Variants in TBL1XR1 observed in about 807,000 individuals in gnomAD.
TBL1XR1 encodes the protein TBL1X/Y related 1.
TBL1XR1 carries 5 observed loss-of-function variants against 66.9 expected under a neutral mutation model. The ratio of observed to expected loss-of-function variants is 0.07; its 90% CI spans 0.04 to 0.16. The LOEUF is 0.16. Among genes scored for constraint, TBL1XR1 ranks in the 10% least tolerant of loss-of-function variants. TBL1XR1 has a pLI of 1.00. For missense variants in TBL1XR1, 238 were observed against 623.2 expected (o/e 0.38, Z 6.58); for synonymous variants, 210 against 206.0 (o/e 1.02, Z -0.17).
intron 10 of TBL1XR1, among the ~76,000 whole-genome samples, chr3:177,039,405 T>C (rs1162952755): frequency 1.3e-5 from 2 of 152,264 alleles, no homozygotes; most frequent in Admixed American, 1.3e-4. Flanking sequence ...TCTACTCAAC[T>C]AACAAATGGA....
chr3:177,180,292 C>G (rs1361518550), intron 1 of TBL1XR1, among the ~76,000 whole-genome samples: 3 of 136,784 alleles, frequency 2.2e-5, no homozygotes, highest in African/African-American at 8.2e-5. Context: ...CCCAGAGATA[C>G]AAAAGATTAA....
intron 3 of TBL1XR1, among the ~76,000 whole-genome samples, chr3:177,058,830 T>C (rs1451541309): frequency 1.3e-5 from 2 of 152,226 alleles, no homozygotes; most frequent in African/African-American, 4.8e-5. Flanking sequence ...ATTGTCCCTT[T>C]GATAAGTGTG....
intron 1 of TBL1XR1, among the ~76,000 whole-genome samples, chr3:177,141,816 C>T (rs1729662973): frequency 6.6e-6 from 1 of 152,160 alleles, no homozygotes; most frequent in Admixed American, 6.5e-5. Context: ...CCAAAGTGTC[C>T]ATCAACAGAT....
chr3:177,166,414 T>C (rs920711688), intron 1 of TBL1XR1, among the ~76,000 whole-genome samples: 3 of 152,312 alleles, frequency 2.0e-5, no homozygotes, highest in Non-Finnish European at 4.4e-5. Context: ...CATCATATAC[T>C]GATATGGTTT....
intron 1 of TBL1XR1, among the ~76,000 whole-genome samples, chr3:177,186,432 A>G (rs1268612049): frequency 3.9e-5 from 6 of 152,220 alleles, no homozygotes. Context: ...TTCATTATCT[A>G]TTCTCATTAC....
chr3:177,177,919 T>C (rs551355166), intron 1 of TBL1XR1, among the ~76,000 whole-genome samples: 10 of 151,962 alleles, frequency 6.6e-5, no homozygotes, highest in East Asian at 1.9e-4. Context: ...GAGACAAAAC[T>C]GCAACGTGGA....
At chr3:177,200,484 G>T (rs188171566), upstream of TBL1XR1, among the ~76,000 whole-genome samples, 104 of 152,068 alleles carry the variant, frequency 6.8e-4, no homozygotes, top group African/African-American at 2.4e-3. Flanking sequence ...TTGTCGCCTC[G>T]CCCTCTAGCT....
rs184557249 is a variant in TBL1XR1 at position 177,111,480 on chromosome 3, G to A, written c.-121-12939C>T. ...TAGAGACAAAATAGCTGGGAGGATC[G>A]GTTGAGCCTGGGTTTCACCATGCTG... On this transcript the variant is annotated intron_variant, in intron 1 of 15. Transcript: ENST00000457928. 1.2e-4 allele frequency among the ~76,000 whole-genome samples: 18 copies of A among 152,028 alleles called. No homozygotes were observed. In the East Asian group the frequency reaches 2.5e-3, roughly 21 times the overall value.
chr3:177,165,381 G>A (rs988995288), intron 1 of TBL1XR1, among the ~76,000 whole-genome samples: 5 of 152,102 alleles, frequency 3.3e-5, no homozygotes, highest in African/African-American at 1.2e-4. Context: ...CATTTCCTTG[G>A]ATAGAAGACT....
chr3:177,028,645 G>A (rs535985772), intron 14 of TBL1XR1, among the ~76,000 whole-genome samples: 41 of 152,264 alleles, frequency 2.7e-4, no homozygotes, highest in Middle Eastern at 3.4e-3. Flanking sequence ...ACGTATTTAT[G>A]GGTGATAAAA....
chr3:177,052,111 A>T (rs1005534438), intron 4 of TBL1XR1, among the ~76,000 whole-genome samples: 2 of 152,272 alleles, frequency 1.3e-5, no homozygotes, highest in Non-Finnish European at 2.9e-5. Flanking sequence ...GTGCCCCATT[A>T]TAGTAAATAC....
intron 1 of TBL1XR1, among the ~76,000 whole-genome samples, chr3:177,128,349 A>G (rs995093510): frequency 6.6e-6 from 1 of 152,204 alleles, no homozygotes; most frequent in Non-Finnish European, 1.5e-5. Context: ...TTGTTCTCAT[A>G]TAACTTATGA....
intron 1 of TBL1XR1, among the ~76,000 whole-genome samples, chr3:177,154,001 A>AG (rs1731207531): frequency 6.6e-6 from 1 of 151,982 alleles, no homozygotes; most frequent in Admixed American, 6.6e-5. Context: ...CAAGGCGCCA[A>AG]GAAAAAAAAA....
At chr3:177,176,531 G>A (rs1399228065) in intron 1 of TBL1XR1, among the ~76,000 whole-genome samples, 4 of 150,708 alleles carry the variant, frequency 2.7e-5, no homozygotes, top group Non-Finnish European at 4.4e-5. Flanking sequence ...GTTTGATTAT[G>A]GCTGGGCAAG....
At chr3:177,059,370 G>T (rs1240571569) in intron 3 of TBL1XR1, among the ~76,000 whole-genome samples, 3 of 152,276 alleles carry the variant, frequency 2.0e-5, no homozygotes, top group South Asian at 4.1e-4. Flanking sequence ...AAAAATGAAT[G>T]AATGAGCTAT....
upstream of TBL1XR1, among the ~76,000 whole-genome samples, chr3:177,198,014 C>G (rs1393132602): frequency 6.6e-6 from 1 of 151,492 alleles, no homozygotes; most frequent in African/African-American, 2.4e-5. Context: ...GGCGGCCCGG[C>G]GGCGTTGGGG....
intron 1 of TBL1XR1, among the ~76,000 whole-genome samples, chr3:177,109,392 A>G (rs1334154185): frequency 6.6e-6 from 1 of 152,168 alleles, no homozygotes; most frequent in African/African-American, 2.4e-5. Context: ...TTTAAAGCCT[A>G]TGTTTACCTC....
intron 1 of TBL1XR1, among the ~76,000 whole-genome samples, chr3:177,111,264 ATGAT>A (rs1426233479): frequency 1.4e-5 from 2 of 140,844 alleles, no homozygotes; most frequent in Admixed American, 7.9e-5. Flanking sequence ...AGAAACCACT[ATGAT>A]TGATTTTTTT....
intron 14 of TBL1XR1, chr3:177,026,792 TA>T (rs1713191638): frequency 4.7e-6 from 1 of 213,342 alleles, no homozygotes; most frequent in African/African-American, 2.3e-5. Context: ...TCACATGAAA[TA>T]AGTTTTTGTT....
Sources: gnomAD v4.1 joint callset for allele counts (sites outside exome capture counted in the v4.1 genomes callset) on GRCh38, gnomAD v4.1.1 for gene constraint, MANE v1.5 for transcripts, NCBI Gene and HGNC (gene_info 2026-07-23, HGNC 2026-07-21) for gene names.